ANKRD50: variants seen among roughly 807,000 people sequenced by gnomAD.
The protein encoded by ANKRD50 is ankyrin repeat domain 50.
Under a neutral mutation model 112.0 loss-of-function variants are expected in ANKRD50, and 40 were observed. The ratio of observed to expected loss-of-function variants is 0.36; its 90% confidence interval spans 0.28 to 0.46. ANKRD50 has a LOEUF of 0.46. Ranked by LOEUF, ANKRD50 falls within the 20% of genes least tolerant of loss-of-function variation. ANKRD50 has a pLI of 1.00. For synonymous variants in ANKRD50, 613 were observed against 619.1 expected (o/e 0.99, Z 0.15); for missense variants, 1,487 against 1,701.7 (o/e 0.87, Z 2.22).
At chr4:124,694,434 A>G (rs1217526357) in intron 2 of ANKRD50, among the ~76,000 whole-genome samples, 1 of 152,208 alleles carries the variant, frequency 6.6e-6, no homozygotes, top group Non-Finnish European at 1.5e-5. Context: ...GCATAACAAG[A>G]TAAAATCTCT....
At chr4:124,700,157 A>G (rs1725357429) in intron 2 of ANKRD50, among the ~76,000 whole-genome samples, 1 of 152,208 alleles carries the variant, frequency 6.6e-6, no homozygotes, top group African/African-American at 2.4e-5. Context: ...TAAAGATGGT[A>G]CCTAAATGAA....
intron 3 of ANKRD50, among the ~76,000 whole-genome samples, chr4:124,674,432 A>G (rs907899578): frequency 1.5e-4 from 23 of 152,106 alleles, no homozygotes; most frequent in African/African-American, 5.3e-4. Context: ...TTGAGAGTCA[A>G]CTAAGGTAGT....
chr4:124,703,592 A>G (rs1725441255), intron 2 of ANKRD50, among the ~76,000 whole-genome samples: 1 of 152,194 alleles, frequency 6.6e-6, no homozygotes, highest in Non-Finnish European at 1.5e-5. Flanking sequence ...GGGCTTATAT[A>G]AAGACAGCAG....
chr4:124,684,217 A>G (rs1303020204), intron 2 of ANKRD50, among the ~76,000 whole-genome samples: 1 of 152,088 alleles, frequency 6.6e-6, no homozygotes, highest in East Asian at 1.9e-4. Flanking sequence ...GATATATTTT[A>G]TGTATCCTGT....
rs943434859 is a variant in ANKRD50 at position 124,664,746 on chromosome 4, T to A, written c.*2772A>T. 1.2e-4 allele frequency: 18 copies of A among 152,156 alleles called. No homozygotes were observed. Among genetic ancestry groups the A allele is most frequent in the Admixed American group, 3.3e-4 (5 of 15,238 alleles). 9.4% of individuals were successfully genotyped at this position (152,156 alleles called of 1,614,324 possible). ...ATATTGAGAAAAGTATTTACTTCTG[T>A]TTTTTAAGTATCAAACTATTTTTGG... On this transcript the variant is annotated 3_prime_UTR_variant, in exon 5 of 5. Transcript: ENST00000504087.
rs1725665468 is a variant in ANKRD50 at position 124,712,699 on chromosome 4, A to AACC, written c.-1008_-1006dup. The AACC allele has an allele frequency of 6.6e-6, 1 of 150,694 alleles. No homozygotes were observed. The highest frequency in any genetic ancestry group is 6.8e-5 in the Admixed American group (1 of 14,774). The allele number at this position is 150,694 out of a possible 1,614,324, so 9.3% of individuals were successfully genotyped here. ...GTGCTCGCCCCAGCCCCCACCGGCC[A>AACC]ACCGCCGCCGCCGCCGCCGTCAGGG... On this transcript the variant is annotated 5_prime_UTR_variant, in exon 1 of 5. Coordinates refer to ENST00000504087, the MANE Select transcript of ANKRD50 (RefSeq NM_020337.3).
At chr4:124,680,712 C>G (rs1724866769) in intron 2 of ANKRD50, among the ~76,000 whole-genome samples, 1 of 152,024 alleles carries the variant, frequency 6.6e-6, no homozygotes, top group Non-Finnish European at 1.5e-5. Context: ...ATATAGCACA[C>G]AGGAAGCCAT....
In ANKRD50 at chr4:124,672,290, A is replaced by G. The variant is rs1467979795; in HGVS notation, c.987T>C (p.Thr329=). 6 of 1,613,628 alleles carry G rather than the reference A, an allele frequency of 3.7e-6. No homozygotes were observed. In the East Asian group the frequency reaches 1.1e-4, roughly 30 times the overall value. The stretch of plus-strand genomic sequence containing the variant: ...ACAGCCAGAGATATAAACCATTTAG[A>G]GTTCCTGGGATGTCACGAATTTCTC... ...MLREIRDIPG[T]LNGLYLWLCQ... The change falls in exon 4 of 5, where the codon ACT becomes ACC. Residue 329 remains threonine (T), a synonymous_variant. Coordinates refer to ENST00000504087, the MANE Select transcript of ANKRD50 (RefSeq NM_020337.3).
rs139126762 is a variant in ANKRD50, at chr4:124,678,951, G to A, written c.513-46C>T. 8 of 1,341,156 alleles carry A rather than the reference G, an allele frequency of 6.0e-6. No individual in the cohort carries two copies. In the African/African-American group the frequency reaches 8.8e-5, roughly 15 times the overall value. The allele number at this position is 1,341,156 out of a possible 1,614,324, so 83.1% of individuals were successfully genotyped here. A position where few individuals can be genotyped will look rare whatever the true frequency, so the allele number is the denominator to read the frequency against. ...AGCATTTTGAATGTTAAGTGGCTAT[G>A]ATGTTAAGATTTATTATTCAAACAT... On this transcript the variant is annotated intron_variant, in intron 2 of 4. Transcript: ENST00000504087.
chr4:124,695,013 G>A (rs1403485804), intron 2 of ANKRD50, among the ~76,000 whole-genome samples: 1 of 151,778 alleles, frequency 6.6e-6, no homozygotes, highest in Non-Finnish European at 1.5e-5. Flanking sequence ...AAATGTATAG[G>A]TATAAAGTTA....
rs1826964 is a variant in ANKRD50 at position 124,696,432 on chromosome 4, G to A, written c.512+13568C>T. Among the ~76,000 whole-genome samples, 323 of 152,172 alleles carry A rather than the reference G, an allele frequency of 2.1e-3. 3 individuals are homozygous for A. The South Asian group carries it at 0.025, about 12-fold the overall frequency. ...TACAATTGTGGTCCCCAAAGAAAAA[G>A]AATGAAGAGGCACTATACTATCTGA... On this transcript the variant is annotated intron_variant, in intron 2 of 4. Coordinates refer to ENST00000504087, the MANE Select transcript of ANKRD50 (RefSeq NM_020337.3).
rs928648152 is a variant in ANKRD50 at position 124,665,442 on chromosome 4, T to C, written c.*2076A>G. 1 of 152,332 alleles carries C rather than the reference T, an allele frequency of 6.6e-6. No homozygotes were observed. Among genetic ancestry groups the C allele is most frequent in the Non-Finnish European group, 1.5e-5 (1 of 67,862 alleles). 9.4% of individuals were successfully genotyped at this position (152,332 alleles called of 1,614,324 possible). A position where few individuals can be genotyped will look rare whatever the true frequency, so the allele number is the denominator to read the frequency against. On this transcript the variant is annotated 3_prime_UTR_variant, in exon 5 of 5. Transcript: ENST00000504087. ...TGTAAAAACAATAAAATTAAATAAA[T>C]ACAATTTCAATAATTCAAAGTTAAT...
chr4:124,677,655 T>C (rs1578576479), intron 3 of ANKRD50, among the ~76,000 whole-genome samples: 1 of 151,964 alleles, frequency 6.6e-6, no homozygotes, highest in Admixed American at 6.6e-5. Context: ...ATTTCATAGA[T>C]AAGGAAACAG....
At chr4:124,703,881 T>C (rs1422978500) in intron 2 of ANKRD50, among the ~76,000 whole-genome samples, 1 of 152,114 alleles carries the variant, frequency 6.6e-6, no homozygotes, top group East Asian at 1.9e-4. Flanking sequence ...AGGAGCAATA[T>C]GTTATGTCAT....
chr4:124,698,447 T>G (rs528523920), intron 2 of ANKRD50, among the ~76,000 whole-genome samples: 3 of 152,064 alleles, frequency 2.0e-5, no homozygotes, highest in African/African-American at 7.2e-5. Flanking sequence ...GGAAGCCAAG[T>G]TAACAGCTAA....
chr4:124,710,627 G>A lies in ANKRD50; in HGVS notation c.-116C>T. On this transcript the variant is annotated 5_prime_UTR_variant, in exon 2 of 5. Coordinates refer to ENST00000504087, the MANE Select transcript of ANKRD50 (RefSeq NM_020337.3). ...TCTGAAGACAGAGTAACTAGTTACA[G>A]TAAAATTCAACAGCCACAGAGTTCC... is the stretch of plus-strand genomic sequence containing the variant. The A allele has an allele frequency of 3.1e-6, 4 of 1,272,056 alleles. No individual in the cohort carries two copies. Among genetic ancestry groups the A allele is most frequent in the Non-Finnish European group, 4.3e-6 (4 of 925,654 alleles). The allele number at this position is 1,272,056 out of a possible 1,614,324, so 78.8% of individuals were successfully genotyped here. A position where few individuals can be genotyped will look rare whatever the true frequency, so the allele number is the denominator to read the frequency against.
rs1458460766 is a variant in ANKRD50, at chr4:124,671,538, G to A, written c.1739C>T (p.Thr580Ile). 6.2e-7 allele frequency: 1 copy of A among 1,613,766 alleles called. No individual in the cohort carries two copies. The highest frequency in any genetic ancestry group is 1.7e-5 in the Admixed American group (1 of 59,944). ...DLEIEDAHGH[T>I]PLTLAARQGH... is the part of the protein sequence containing the mutation. ...CTGTCTAGCCGCTAGAGTGAGTGGTGTATGTCCATGAGCATCTTCTATCTC... is the reference window on the plus strand; with the variant it reads ...CTGTCTAGCCGCTAGAGTGAGTGGTATATGTCCATGAGCATCTTCTATCTC... The change falls in exon 4 of 5, where the codon ACA (threonine) becomes ATA (isoleucine). Residue 580 changes from threonine (T) to isoleucine (I), a missense_variant. This residue lies in a region of ANKRD50 where 1,046 missense variants were observed against 1,269.5 expected (regional missense o/e 0.82). Coordinates refer to ENST00000504087, the MANE Select transcript of ANKRD50 (RefSeq NM_020337.3).
chr4:124,678,952 ATG>A, intron 2 of ANKRD50, 47 bp from the exon 3 acceptor site: 3 of 1,345,754 alleles, frequency 2.2e-6, no homozygotes, highest in Non-Finnish European at 3.1e-6. Flanking sequence ...AGTGGCTATG[ATG>A]TTAAGATTTA....
intron 2 of ANKRD50, among the ~76,000 whole-genome samples, chr4:124,704,924 C>T (rs1206182571): frequency 6.6e-6 from 1 of 152,076 alleles, no homozygotes; most frequent in South Asian, 2.1e-4. Context: ...GAAACCCTGC[C>T]TCTACTAAAA....
Sources: allele counts gnomAD v4.1 joint callset (sites outside exome capture counted in the v4.1 genomes callset), GRCh38; gene constraint gnomAD v4.1.1; regional missense constraint gnomAD v4.1.1; transcripts MANE v1.5; gene names NCBI Gene and HGNC (gene_info 2026-07-23, HGNC 2026-07-21).